Variants in CLIP2 observed in about 807,000 individuals in gnomAD.
CLIP2 encodes CAP-Gly domain-containing linker protein 2.
In CLIP2, 41 loss-of-function variants were observed where a neutral mutation model predicts 111.7. The observed-to-expected ratio is 0.37, with a 90% CI of 0.29 to 0.48. The LOEUF (loss-of-function observed/expected upper bound fraction) is 0.48, where lower values mean the gene tolerates loss of function less well. CLIP2 is among the 20% of genes least tolerant of loss of function. The pLI is 0.99. For synonymous variants in CLIP2, 660 were observed against 644.2 expected (o/e 1.02, Z -0.37); for missense variants, 1,160 against 1,422.1 (o/e 0.82, Z 2.96).
chr7:74,396,688 T>G (rs1554316715), intron 13 of CLIP2, among the ~76,000 whole-genome samples: 1 of 151,972 alleles, frequency 6.6e-6, no homozygotes, highest in African/African-American at 2.4e-5. Context: ...GACTGGCTAA[T>G]TTTTGTATTT....
intron 6 of CLIP2, among the ~76,000 whole-genome samples, chr7:74,357,716 A>G (rs1790188785): frequency 6.6e-6 from 1 of 151,660 alleles, no homozygotes; most frequent in Admixed American, 6.6e-5. Flanking sequence ...ACAAGCTTGT[A>G]TATCCTGCTT....
chr7:74,374,134 A>C (rs569647739), intron 9 of CLIP2, among the ~76,000 whole-genome samples: 109 of 152,320 alleles, frequency 7.2e-4, no homozygotes, highest in Middle Eastern at 3.4e-3. Flanking sequence ...AACAGGCAGC[A>C]AGTGATGACT....
chr7:74,301,215 G>A (rs1003669605), intron 1 of CLIP2, among the ~76,000 whole-genome samples: 4 of 152,020 alleles, frequency 2.6e-5, no homozygotes, highest in Admixed American at 1.3e-4. Context: ...GTTCTTGGCC[G>A]CTTGTATGTC....
At chr7:74,361,834 T>G (rs566304883) in intron 7 of CLIP2, among the ~76,000 whole-genome samples, 1 of 152,038 alleles carries the variant, frequency 6.6e-6, no homozygotes, top group South Asian at 2.1e-4. Context: ...GATGCAGTGG[T>G]TCATGCCTGT....
chr7:74,391,820 A>AAAG (rs782065278), intron 13 of CLIP2, among the ~76,000 whole-genome samples: 1 of 152,052 alleles, frequency 6.6e-6, no homozygotes, highest in Non-Finnish European at 1.5e-5. Flanking sequence ...ACTCTGTCTC[A>AAAG]AAGAAGAAGA....
intron 3 of CLIP2, among the ~76,000 whole-genome samples, chr7:74,349,298 G>A (rs1789901971): frequency 1.3e-5 from 2 of 151,242 alleles, no homozygotes; most frequent in East Asian, 2.0e-4. Flanking sequence ...GGGCGTGGTG[G>A]CACGTGCCTG....
chr7:74,295,743 G>T (rs117229857), intron 1 of CLIP2, among the ~76,000 whole-genome samples: 1 of 152,120 alleles, frequency 6.6e-6, no homozygotes, highest in South Asian at 2.1e-4. Context: ...CAGGGCTCAC[G>T]CCTGTAATCC....
At chr7:74,313,085 G>A (rs1201766652) in intron 1 of CLIP2, among the ~76,000 whole-genome samples, 3 of 152,020 alleles carry the variant, frequency 2.0e-5, no homozygotes, top group Admixed American at 1.3e-4. Context: ...GGAGGCTGAG[G>A]TGGGAGGATT....
At chr7:74,329,087 G>GT (rs35692014) in intron 2 of CLIP2, among the ~76,000 whole-genome samples, 67,154 of 111,064 alleles carry the variant, frequency 0.6, 22,094 homozygotes, top group Non-Finnish European at 0.73. Context: ...TTTTTTTTTG[G>GT]TTTTTTTTTT....
At chr7:74,346,534 C>T (rs1789800380) in intron 3 of CLIP2, among the ~76,000 whole-genome samples, 1 of 151,108 alleles carries the variant, frequency 6.6e-6, no homozygotes, top group African/African-American at 2.4e-5. Flanking sequence ...ACCAGCCTGG[C>T]CAACATGACA....
At chr7:74,340,125 G>T (rs1383491129) in intron 3 of CLIP2, among the ~76,000 whole-genome samples, 3 of 151,660 alleles carry the variant, frequency 2.0e-5, no homozygotes, top group African/African-American at 7.3e-5. Context: ...GCCAAGCACG[G>T]TGGCTCACAC....
chr7:74,394,245 AT>A lies in CLIP2; in HGVS notation c.2721-2807del, dbSNP rs56651501. Among the ~76,000 whole-genome samples, 248 of 117,386 alleles carry A rather than the reference AT, an allele frequency of 2.1e-3. 2 individuals are homozygous for A. The South Asian group carries it at 0.021, about 10-fold the overall frequency. The allele number at this position is 117,386 out of a possible 152,430, so 77.0% of individuals were successfully genotyped here. A position where few individuals can be genotyped will look rare whatever the true frequency, so the allele number is the denominator to read the frequency against. The stretch of plus-strand genomic sequence containing the variant: ...TCTGGGATACCTTCTTTTTCTTCTT[AT>A]TTTTTTTTTTTTTTTTTTTTTGAGA... On this transcript the variant is annotated intron_variant, in intron 13 of 16. Transcript: ENST00000223398.
chr7:74,394,071 G>A (rs1436081564), intron 13 of CLIP2, among the ~76,000 whole-genome samples: 1 of 152,008 alleles, frequency 6.6e-6, no homozygotes, highest in East Asian at 1.9e-4. Context: ...GGAGTTTTGG[G>A]TCTTTATCCA....
intron 8 of CLIP2, among the ~76,000 whole-genome samples, chr7:74,368,471 C>T (rs1318502479): frequency 6.6e-6 from 1 of 151,530 alleles, no homozygotes; most frequent in African/African-American, 2.4e-5. Flanking sequence ...GAGCCGAGAT[C>T]GCGTCATTGC....
intron 3 of CLIP2, among the ~76,000 whole-genome samples, chr7:74,339,517 A>G (rs1789594633): frequency 6.6e-6 from 1 of 151,898 alleles, no homozygotes; most frequent in African/African-American, 2.4e-5. Context: ...TGTTGACCAG[A>G]CTGGTCTTGA....
intron 1 of CLIP2, among the ~76,000 whole-genome samples, chr7:74,291,160 G>C (rs1269078649): frequency 6.6e-6 from 1 of 152,150 alleles, no homozygotes; most frequent in African/African-American, 2.4e-5. Flanking sequence ...GGGGAATGAT[G>C]GGATTCTGGC....
chr7:74,320,830 G>A (rs1554729914), intron 2 of CLIP2, among the ~76,000 whole-genome samples: 1 of 152,176 alleles, frequency 6.6e-6, no homozygotes, highest in African/African-American at 2.4e-5. Context: ...GACAGTGGGG[G>A]AAGGTCGTGA....
rs71094774 is a variant in CLIP2, at chr7:74,310,036, C to CAAAAAAA, written c.-67-7408_-67-7402dup. On this transcript the variant is annotated intron_variant, in intron 1 of 16. Transcript: ENST00000223398. The stretch of plus-strand genomic sequence containing the variant: ...GCAATATGGCAAGACCCTGTCTCTA[C>CAAAAAAA]AAAAAAAAAAAAAAAAAAAAAAAAA... Among the ~76,000 whole-genome samples, 141 of 92,462 alleles carry CAAAAAAA rather than the reference C, an allele frequency of 1.5e-3. 10 individuals are homozygous for CAAAAAAA. Among genetic ancestry groups the CAAAAAAA allele is most frequent in the African/African-American group, 2.2e-3 (35 of 16,216 alleles). 60.7% of individuals were successfully genotyped at this position (92,462 alleles called of 152,430 possible). A position where few individuals can be genotyped will look rare whatever the true frequency, so the allele number is the denominator to read the frequency against.
At position 74,343,488 on chromosome 7, in the gene CLIP2, C is replaced by T. The variant is rs1282578636; in HGVS notation, c.678+4484C>T. On this transcript the variant is annotated intron_variant, in intron 3 of 16. Transcript: ENST00000223398. ...ATTGGGCAAGTCACTTACAGAGCCT[C>T]ATCTTCATTCATTCATTCATTCATT... Among the ~76,000 whole-genome samples the T allele has an allele frequency of 5.3e-5, 8 of 151,910 alleles. No homozygotes were observed. In the South Asian group the frequency reaches 1.2e-3, roughly 24 times the overall value.
Sources: gnomAD v4.1 joint callset for allele counts (sites outside exome capture counted in the v4.1 genomes callset) on GRCh38, gnomAD v4.1.1 for gene constraint, MANE v1.5 for transcripts, NCBI Gene and HGNC (gene_info 2026-07-23, HGNC 2026-07-21) for gene names.